The following UBE2K variants were observed in gnomAD, a reference collection of about 807,000 sequenced individuals.
UBE2K encodes the protein ubiquitin conjugating enzyme E2 K, also known as ubiquitin-conjugating enzyme E2 K.
Under a neutral mutation model 30.0 loss-of-function variants are expected in UBE2K, and 6 were observed. The ratio of observed to expected loss-of-function variants is 0.20; its 90% CI spans 0.11 to 0.39. The LOEUF is 0.39. Ranked by LOEUF, UBE2K falls within the 10% of genes least tolerant of loss-of-function variation. UBE2K has a pLI of 1.00. For missense variants in UBE2K, 61 were observed against 241.6 expected (o/e 0.25, Z 4.96); for synonymous variants, 86 against 83.7 (o/e 1.03, Z -0.15).
chr4:39,771,249 C>T, intron 4 of UBE2K: 1 of 1,611,866 alleles, frequency 6.2e-7, no homozygotes, highest in South Asian at 1.1e-5. Context: ...TGGGGTTAAG[C>T]AGGAACTGGT....
intron 2 of UBE2K, among the ~76,000 whole-genome samples, chr4:39,739,607 C>A (rs539128859): frequency 6.6e-6 from 1 of 151,852 alleles, no homozygotes. Context: ...CCACCATGCC[C>A]GGCTAATTTT....
chr4:39,777,862 T>C, intron 6 of UBE2K, 52 bp downstream of exon 6: 1 of 1,353,232 alleles, frequency 7.4e-7, no homozygotes, highest in Non-Finnish European at 9.6e-7. Flanking sequence ...TTTTAAATTA[T>C]TGCAAATTCT....
rs1711945049 is a variant in UBE2K at position 39,761,545 on chromosome 4, T to C, written c.299+5806T>C. ...TGATTTGAGACTTGAGCAAAATTTATTTACCGGACATAGATTTATGAGGTA... is the reference window on the plus strand; with the variant it reads ...TGATTTGAGACTTGAGCAAAATTTACTTACCGGACATAGATTTATGAGGTA... On this transcript the variant is annotated intron_variant, in intron 4 of 6. Transcript: ENST00000261427. 2.0e-5 allele frequency among the ~76,000 whole-genome samples: 3 copies of C among 152,334 alleles called. No individual in the cohort carries two copies. The South Asian group carries it at 6.2e-4, about 32-fold the overall frequency.
chr4:39,757,474 T>G (rs1030098405), intron 4 of UBE2K, among the ~76,000 whole-genome samples: 18 of 152,224 alleles, frequency 1.2e-4, no homozygotes, highest in Non-Finnish European at 2.1e-4. Context: ...TTTTGTTTTT[T>G]TTTTCTATTC....
chr4:39,740,707 A>G (rs1164832180), intron 2 of UBE2K, among the ~76,000 whole-genome samples: 1 of 149,510 alleles, frequency 6.7e-6, no homozygotes, highest in African/African-American at 2.5e-5. Context: ...CTAAAAATAC[A>G]AAAAAATTAG....
At chr4:39,727,980 A>G (rs1006574864) in intron 1 of UBE2K, among the ~76,000 whole-genome samples, 49 of 152,048 alleles carry the variant, frequency 3.2e-4, no homozygotes, top group African/African-American at 1.2e-3. Context: ...AAAATATGTA[A>G]GAAATTAGCC....
At chr4:39,750,720 CT>C (rs33938106) in intron 3 of UBE2K, among the ~76,000 whole-genome samples, 87,568 of 142,840 alleles carry the variant, frequency 0.61, 26,136 homozygotes, top group Admixed American at 0.67. Flanking sequence ...AGATTAAATT[CT>C]TTTTTTTTTT....
chr4:39,775,802 ATT>A (rs996016613), intron 5 of UBE2K, among the ~76,000 whole-genome samples: 1 of 148,828 alleles, frequency 6.7e-6, no homozygotes, highest in Non-Finnish European at 1.5e-5. Context: ...TATAATGGAC[ATT>A]TTTTTTTTTA....
chr4:39,764,613 CT>C (rs1712192760), intron 4 of UBE2K, among the ~76,000 whole-genome samples: 1 of 151,894 alleles, frequency 6.6e-6, no homozygotes, highest in Non-Finnish European at 1.5e-5. Context: ...TTTAAAATTA[CT>C]TTTTGTAGAG....
chr4:39,732,184 C>T (rs1245733792), intron 1 of UBE2K, among the ~76,000 whole-genome samples: 1 of 152,150 alleles, frequency 6.6e-6, no homozygotes, highest in Non-Finnish European at 1.5e-5. Flanking sequence ...GTTAAATTCA[C>T]CAGCGAACCC....
chr4:39,698,423 C>T (rs1436907316), intron 1 of UBE2K, 33 bp downstream of exon 1: 6 of 1,589,834 alleles, frequency 3.8e-6, no homozygotes, highest in Non-Finnish European at 5.1e-6. Context: ...TCCCCCACCT[C>T]TGCCTGGGGC....
At chr4:39,713,883 A>T (rs1471025552) in intron 1 of UBE2K, 1 of 151,670 alleles carries the variant, frequency 6.6e-6, no homozygotes, top group Non-Finnish European at 1.5e-5. Context: ...ATCCTTGCCC[A>T]TGAGCAGCTT....
rs138206643 is a variant in UBE2K, at chr4:39,762,184, A to AAATAATAATAAT, written c.299+6460_299+6471dup. ...ACAGAGCGAGACTCCCATCTCAGTA[A>AAATAATAATAAT]AATAATAATAATAATAATAATAATA... On this transcript the variant is annotated intron_variant, in intron 4 of 6. Transcript: ENST00000261427. 9.5e-4 allele frequency among the ~76,000 whole-genome samples: 136 copies of AAATAATAATAAT among 143,874 alleles called. 1 individual carries two copies. Among genetic ancestry groups the AAATAATAATAAT allele is most frequent in the African/African-American group, 2.1e-3 (83 of 39,210 alleles). The allele number at this position is 143,874 out of a possible 152,430, so 94.4% of individuals were successfully genotyped here.
chr4:39,748,275 A>T (rs1269607824), intron 3 of UBE2K, among the ~76,000 whole-genome samples: 1 of 151,908 alleles, frequency 6.6e-6, no homozygotes, highest in African/African-American at 2.4e-5. Flanking sequence ...CTCAGTCTGG[A>T]GTTTAGTGGC....
At chr4:39,727,205 A>G (rs1489124186) in intron 1 of UBE2K, among the ~76,000 whole-genome samples, 2 of 152,222 alleles carry the variant, frequency 1.3e-5, no homozygotes. Flanking sequence ...TAGAGTACAA[A>G]TGTTATATCA....
intron 4 of UBE2K, among the ~76,000 whole-genome samples, chr4:39,764,760 A>G (rs1712203150): frequency 6.6e-6 from 1 of 151,908 alleles, no homozygotes; most frequent in Non-Finnish European, 1.5e-5. Flanking sequence ...TCTTCATTCA[A>G]GTTTCTGATT....
Position 39,755,711 on chromosome 4 carries a change from A to G in UBE2K, c.271A>G (p.Ile91Val). Residue 91 changes from isoleucine to valine, a missense_variant, in exon 4 of 7, where the codon ATT becomes GTT. Transcript: ENST00000261427. The part of the protein sequence containing the change: ...HPNISSVTGA[I>V]CLDILKDQWA... ...TAATATTAGTTCCGTCACAGGGGCT[A>G]TTTGTTTGGATATCCTGAAAGATCA... is the stretch of plus-strand genomic sequence containing the variant. The G allele has an allele frequency of 1.9e-6, 3 of 1,593,756 alleles. No individual in the cohort carries two copies. Among genetic ancestry groups the G allele is most frequent in the Non-Finnish European group, 2.6e-6 (3 of 1,175,034 alleles).
chr4:39,782,118 G>C lies in UBE2K; in HGVS notation c.*3684G>C, dbSNP rs1349665941. On this transcript the variant is annotated 3_prime_UTR_variant, in exon 7 of 7. Coordinates refer to ENST00000261427, the MANE Select transcript of UBE2K (RefSeq NM_005339.5). The stretch of plus-strand genomic sequence containing the variant: ...CTTCATTGGACTGATACACCCTCAT[G>C]AACTTGCAATCACCTAAATGGAAGT... 1 of 394,816 alleles carries C rather than the reference G, an allele frequency of 2.5e-6. No homozygotes were observed. The highest frequency in any genetic ancestry group is 4.5e-6 in the Non-Finnish European group (1 of 223,914). The allele number at this position is 394,816 out of a possible 1,614,324, so 24.5% of individuals were successfully genotyped here. A position where few individuals can be genotyped will look rare whatever the true frequency, so the allele number is the denominator to read the frequency against.
At chr4:39,758,538 C>T (rs1472807314) in intron 4 of UBE2K, among the ~76,000 whole-genome samples, 1 of 152,142 alleles carries the variant, frequency 6.6e-6, no homozygotes, top group African/African-American at 2.4e-5. Flanking sequence ...ATTAGCTGGG[C>T]ATGGTGGTGC....
Sources: gnomAD v4.1 joint callset for allele counts (sites outside exome capture counted in the v4.1 genomes callset) on GRCh38, gnomAD v4.1.1 for gene constraint, MANE v1.5 for transcripts, NCBI Gene and HGNC (gene_info 2026-07-23, HGNC 2026-07-21) for gene names.